ADAMTS13: variants seen among roughly 807,000 people sequenced by gnomAD.
ADAMTS13 encodes the protein A disintegrin and metalloproteinase with thrombospondin motifs 13.
In ADAMTS13, 110 loss-of-function variants were observed where a neutral mutation model predicts 155.1. That is an observed-to-expected ratio of 0.71 (90% CI 0.61 to 0.83). The LOEUF (loss-of-function observed/expected upper bound fraction) is 0.83, where lower values mean the gene tolerates loss of function less well. Ranked by LOEUF, ADAMTS13 falls within the 40% of genes least tolerant of loss-of-function variation. The pLI is 0.00. For missense variants in ADAMTS13, 1,707 were observed against 1,891.7 expected (o/e 0.90, Z 1.81); for synonymous variants, 758 against 756.4 (o/e 1.00, Z -0.03).
At chr9:133,428,843 C>T in intron 7 of ADAMTS13, 72 bp downstream of exon 7, 1 of 1,203,186 alleles carries the variant, frequency 8.3e-7, no homozygotes, top group South Asian at 3.2e-5. Flanking sequence ...CCACCTCTCT[C>T]TACGTCCGTC....
At position 133,428,667 on chromosome 9, in the gene ADAMTS13, C is replaced by T. The variant is rs900299722; in HGVS notation, c.720C>T (p.Ser240=). 20 of 1,357,256 alleles carry T rather than the reference C, an allele frequency of 1.5e-5. No individual in the cohort carries two copies. The highest frequency in any genetic ancestry group is 1.0e-4 in the East Asian group (3 of 29,782). 84.1% of individuals were successfully genotyped at this position (1,357,256 alleles called of 1,614,324 possible). The part of the protein sequence containing the change: ...FGLEHDGAPG[S]GCGPSGHVMA... Reference sequence around the variant, plus strand: ...TGGAGCACGACGGCGCGCCCGGCAGCGGCTGCGGCCCCAGCGGACACGTGA... The same window carrying T: ...TGGAGCACGACGGCGCGCCCGGCAGTGGCTGCGGCCCCAGCGGACACGTGA... The change falls in exon 7 of 29, where the codon AGC becomes AGT. Residue 240 remains serine, a synonymous_variant. Transcript: ENST00000355699.
upstream of ADAMTS13, chr9:133,422,088 G>T (rs1014629766): frequency 3.3e-6 from 1 of 302,490 alleles, no homozygotes; most frequent in Non-Finnish European, 6.2e-6. Flanking sequence ...GGCATTCCTT[G>T]TGAACCCCCG....
At chr9:133,455,506 C>T in intron 25 of ADAMTS13, 71 bp downstream of exon 25, 2 of 1,612,060 alleles carry the variant, frequency 1.2e-6, no homozygotes. Flanking sequence ...CTGCTGGTGC[C>T]TCCCTGGAGT....
rs1841657204 is a variant in ADAMTS13 at position 133,441,327 on chromosome 9, C to T, written c.1968+802C>T. Among the ~76,000 whole-genome samples the T allele has an allele frequency of 6.6e-6, 1 of 152,198 alleles. No homozygotes were observed. The highest frequency in any genetic ancestry group is 1.5e-5 in the Non-Finnish European group (1 of 68,040). On this transcript the variant is annotated intron_variant, in intron 16 of 28. Transcript: ENST00000355699. The surrounding 1 kb of genome is among the most constrained non-coding windows in gnomAD (Gnocchi z 5.0). Reference sequence around the variant, plus strand: ...GCAAGCCCCTGTGAGCGGCTTATCCCTTCTCTTCCCCTGATATGGTTCCCT... The same window carrying T: ...GCAAGCCCCTGTGAGCGGCTTATCCTTTCTCTTCCCCTGATATGGTTCCCT...
chr9:133,456,123 C>T lies in ADAMTS13; in HGVS notation c.3455C>T (p.Pro1152Leu). 6.2e-7 allele frequency: 1 copy of T among 1,613,382 alleles called. No individual in the cohort carries two copies. Residue 1152 changes from proline (P) to leucine (L), a missense_variant, in exon 26 of 29, where the codon CCA becomes CTA. Pro to Leu is a moderately conservative substitution (Grantham distance 98). Coordinates refer to ENST00000355699, the MANE Select transcript of ADAMTS13 (RefSeq NM_139027.6). The surrounding 1 kb of genome is among the most constrained non-coding windows in gnomAD (Gnocchi z 4.4). ...EPTGTIDMRG[P>L]GQADCAVAIG... The stretch of plus-strand genomic sequence containing the variant: ...ACAGGAACCATTGACATGCGAGGCC[C>T]AGGGCAGGCAGACTGTGCAGTGGCC...
In ADAMTS13 at chr9:133,424,501, T is replaced by C. The variant is rs1554784680; in HGVS notation, c.330+23T>C. 1.2e-6 allele frequency: 2 copies of C among 1,605,412 alleles called. No homozygotes were observed. Among genetic ancestry groups the C allele is most frequent in the South Asian group, 1.1e-5 (1 of 89,956 alleles). On this transcript the variant is annotated intron_variant, in intron 3 of 28. Coordinates refer to ENST00000355699, the MANE Select transcript of ADAMTS13 (RefSeq NM_139027.6). The surrounding 1 kb of genome is among the most constrained non-coding windows in gnomAD (Gnocchi z 4.3). ...ATCGTGAGTGCCCCACGCTGGACTGTGCAGGTCCCCACGGCCAGGGCTGGT... is the reference window on the plus strand; with the variant it reads ...ATCGTGAGTGCCCCACGCTGGACTGCGCAGGTCCCCACGGCCAGGGCTGGT...
intron 11 of ADAMTS13, among the ~76,000 whole-genome samples, chr9:133,435,479 G>A (rs782582954): frequency 6.0e-5 from 9 of 150,714 alleles, no homozygotes; most frequent in East Asian, 5.9e-4. Flanking sequence ...ATGAGCCACC[G>A]CTCCCGGCCT....
chr9:133,451,456 C>T (rs952770266), intron 23 of ADAMTS13, among the ~76,000 whole-genome samples: 1 of 152,144 alleles, frequency 6.6e-6, no homozygotes, highest in Non-Finnish European at 1.5e-5. Flanking sequence ...CAGGGTTTCA[C>T]CATATTGGTC....
At chr9:133,431,990 G>C (rs1346093834) in intron 8 of ADAMTS13, among the ~76,000 whole-genome samples, 1 of 152,154 alleles carries the variant, frequency 6.6e-6, no homozygotes, top group African/African-American at 2.4e-5. Flanking sequence ...TAGGCCAGGT[G>C]TGGTGGCTCA....
At chr9:133,458,574 A>AAAAAAAAAAAAC in intron 28 of ADAMTS13, among the ~76,000 whole-genome samples, 1 of 151,474 alleles carries the variant, frequency 6.6e-6, no homozygotes, top group African/African-American at 2.4e-5. Flanking sequence ...AAAAAAAAAA[A>AAAAAAAAAAAAC]AAGCGAAATG....
chr9:133,414,841 A>C, intron 1 of ADAMTS13: 1 of 1,614,164 alleles, frequency 6.2e-7, no homozygotes, highest in Non-Finnish European at 8.5e-7. Flanking sequence ...AACCTGAAGG[A>C]ACAGAGCCCC....
Position 133,438,385 on chromosome 9 carries a change from G to A in ADAMTS13, c.1705+19G>A. On this transcript the variant is annotated intron_variant, in intron 14 of 28. Transcript: ENST00000355699. ...GCGAGAGGTAGGCGGCCTCCCTCGG[G>A]GCAGAGGCTGGGCTTCCCCCAGCCT... The A allele has an allele frequency of 6.2e-7, 1 of 1,612,876 alleles. No individual in the cohort carries two copies. Among genetic ancestry groups the A allele is most frequent in the Non-Finnish European group, 8.5e-7 (1 of 1,179,876 alleles).
Position 133,458,997 on chromosome 9 carries a change from G to A in ADAMTS13, c.3933G>A (p.Arg1311=). The A allele has an allele frequency of 1.2e-6, 2 of 1,613,190 alleles. No homozygotes were observed. The highest frequency in any genetic ancestry group is 1.7e-5 in the Admixed American group (1 of 60,024). Residue 1311 remains arginine, a synonymous_variant, in exon 29 of 29, where the codon AGG becomes AGA. Coordinates refer to ENST00000355699, the MANE Select transcript of ADAMTS13 (RefSeq NM_139027.6). Reference sequence around the variant, plus strand: ...AGATCCGGGACACCCACAGCTTGAGGACCACAGCGTTCCATGGGCAGCAGG... The same window carrying A: ...AGATCCGGGACACCCACAGCTTGAGAACCACAGCGTTCCATGGGCAGCAGG... ...YILIRDTHSL[R]TTAFHGQQVL... is the part of the protein sequence containing the mutation.
intron 8 of ADAMTS13, among the ~76,000 whole-genome samples, chr9:133,431,368 C>G (rs948164328): frequency 1.5e-4 from 22 of 151,266 alleles, no homozygotes; most frequent in Admixed American, 2.6e-4. Context: ...ACTCTGTCAC[C>G]CAGGCTGGAG....
chr9:133,434,592 C>T (rs1020479169), intron 11 of ADAMTS13, among the ~76,000 whole-genome samples: 13 of 152,122 alleles, frequency 8.5e-5, no homozygotes, highest in South Asian at 4.1e-4. Flanking sequence ...GGTGTCACTG[C>T]GCCTGGCCGA....
intron 11 of ADAMTS13, among the ~76,000 whole-genome samples, chr9:133,436,049 C>G (rs1189948758): frequency 6.7e-6 from 1 of 149,662 alleles, no homozygotes; most frequent in African/African-American, 2.5e-5. Flanking sequence ...AACTCCGACC[C>G]CAGGTGATCC....
In ADAMTS13 at chr9:133,456,105, C is replaced by A. The variant is rs782488785; in HGVS notation, c.3437C>A (p.Thr1146Asn). 6.2e-7 allele frequency: 1 copy of A among 1,613,304 alleles called. No individual in the cohort carries two copies. ...CGRQHLEPTG[T>N]IDMRGPGQAD... ...AGGCAGCACCTTGAGCCAACAGGAACCATTGACATGCGAGGCCCAGGGCAG... is the reference window on the plus strand; with the variant it reads ...AGGCAGCACCTTGAGCCAACAGGAAACATTGACATGCGAGGCCCAGGGCAG... The change falls in exon 26 of 29, where the codon ACC (threonine) becomes AAC (asparagine). Residue 1146 changes from threonine to asparagine, a missense_variant. Thr to Asn is a moderately conservative substitution (Grantham distance 65). Coordinates refer to ENST00000355699, the MANE Select transcript of ADAMTS13 (RefSeq NM_139027.6). The surrounding 1 kb of genome is among the most constrained non-coding windows in gnomAD (Gnocchi z 4.4).
At chr9:133,443,269 C>A in intron 18 of ADAMTS13, 107 bp from the exon 19 acceptor site, 1 of 1,377,174 alleles carries the variant, frequency 7.3e-7, no homozygotes, top group Non-Finnish European at 1.0e-6. Context: ...GGCCGTAGTG[C>A]CCATTGCTTG....
upstream of ADAMTS13, among the ~76,000 whole-genome samples, chr9:133,421,099 C>G (rs1014275173): frequency 6.6e-6 from 1 of 152,152 alleles, no homozygotes; most frequent in African/African-American, 2.4e-5. Flanking sequence ...AACCCCACCT[C>G]TACTAAAAAT....
Sources: allele counts gnomAD v4.1 joint callset (sites outside exome capture counted in the v4.1 genomes callset), GRCh38; gene constraint gnomAD v4.1.1; non-coding constraint Gnocchi (gnomAD v3.1); transcripts MANE v1.5; gene names NCBI Gene and HGNC (gene_info 2026-07-23, HGNC 2026-07-21).